Variants in FAM193A observed in about 807,000 individuals in gnomAD.
FAM193A encodes the protein family with sequence similarity 193 member A, also known as protein FAM193A.
A neutral mutation model predicts 126.5 loss-of-function variants in FAM193A; 22 were observed. The observed-to-expected ratio is 0.17, with a 90% CI of 0.12 to 0.25. The LOEUF (loss-of-function observed/expected upper bound fraction) is 0.25. Ranked by LOEUF, FAM193A falls within the 10% of genes least tolerant of loss-of-function variation. FAM193A has a pLI of 1.00. For missense variants in FAM193A, 1,675 were observed against 1,672.8 expected, an observed-to-expected ratio of 1.00 and a Z score of -0.02; for synonymous variants, 761 against 646.8, an observed-to-expected ratio of 1.18 and a Z score of -2.68.
intron 5 of FAM193A, among the ~76,000 whole-genome samples, chr4:2,639,424 T>C (rs772327275): frequency 5.3e-5 from 8 of 152,142 alleles, no homozygotes; most frequent in Admixed American, 2.0e-4. Flanking sequence ...GAGAAATGAC[T>C]CTCAAACGTG....
At chr4:2,624,161 C>G (rs115746676) in intron 2 of FAM193A, among the ~76,000 whole-genome samples, 2,503 of 151,962 alleles carry the variant, frequency 0.016, 54 homozygotes, top group African/African-American at 0.048. Flanking sequence ...ATAGGAAGGT[C>G]TTTGCCCAAT....
chr4:2,731,189 T>A (rs1474222501), intron 20 of FAM193A, among the ~76,000 whole-genome samples: 1 of 94,056 alleles, frequency 1.1e-5, no homozygotes, highest in Non-Finnish European at 1.9e-5. Flanking sequence ...AGAGCGAAAC[T>A]CCTTCTCAAA....
intron 19 of FAM193A, among the ~76,000 whole-genome samples, chr4:2,702,804 C>T (rs185794868): frequency 6.6e-6 from 1 of 152,170 alleles, no homozygotes. Context: ...GGTATTTGTT[C>T]AGTTCTTTTT....
Position 2,693,636 on chromosome 4 carries a change from G to A in FAM193A, c.2854G>A (p.Ala952Thr). Residue 952 changes from alanine to threonine, a missense_variant, in exon 16 of 21, where the codon GCC (alanine) becomes ACC (threonine). Physicochemically the swap from Ala to Thr is moderately conservative, Grantham distance 58. Around this residue, in one of 4 missense-constraint regions of FAM193A, gnomAD observed 1,186 missense variants for 1,109.2 expected, o/e 1.07. Coordinates refer to ENST00000637812, the MANE Select transcript of FAM193A (RefSeq NM_001366318.2). ...GGAGGACCACAGACACTCGGCCCCAGCCGCCCCGAGGAATAGCCCCACGGG... is the reference window on the plus strand; with the variant it reads ...GGAGGACCACAGACACTCGGCCCCAACCGCCCCGAGGAATAGCCCCACGGG... ...SKEDHRHSAPAAPRNSPTGLA... is the reference protein window; with the variant it reads ...SKEDHRHSAPTAPRNSPTGLA... 6.2e-7 allele frequency: 1 copy of A among 1,614,098 alleles called. No homozygotes were observed. The highest frequency in any genetic ancestry group is 2.2e-5 in the East Asian group (1 of 44,874).
chr4:2,712,122 T>G (rs1347036579), intron 19 of FAM193A, among the ~76,000 whole-genome samples: 2 of 152,162 alleles, frequency 1.3e-5, no homozygotes, highest in Non-Finnish European at 2.9e-5. Context: ...GTATGTCAGC[T>G]TTTGTAACTC....
At chr4:2,706,627 G>T (rs1270787487) in intron 19 of FAM193A, among the ~76,000 whole-genome samples, 1 of 151,622 alleles carries the variant, frequency 6.6e-6, no homozygotes, top group Non-Finnish European at 1.5e-5. Context: ...ATGCACTTGG[G>T]TCTGTTTCTG....
intron 1 of FAM193A, among the ~76,000 whole-genome samples, chr4:2,562,314 C>T (rs1043643326): frequency 6.6e-6 from 1 of 151,962 alleles, no homozygotes; most frequent in Admixed American, 6.6e-5. Context: ...CAGCTGGCTG[C>T]GGTGGTGCGT....
At chr4:2,709,678 C>T (rs1008295431) in intron 19 of FAM193A, among the ~76,000 whole-genome samples, 3 of 152,138 alleles carry the variant, frequency 2.0e-5, no homozygotes, top group African/African-American at 7.2e-5. Context: ...CACTGCACTC[C>T]AGCCTGGGAC....
At chr4:2,659,421 C>T in intron 8 of FAM193A, 137 bp from the exon 9 acceptor site, 2 of 658,718 alleles carry the variant, frequency 3.0e-6, no homozygotes, top group Non-Finnish European at 2.7e-6. Context: ...GTCTGCTGCC[C>T]CTGTATTCCT....
At position 2,559,583 on chromosome 4, in the gene FAM193A, A is replaced by G. The variant is rs183816966; in HGVS notation, c.255+22413A>G. On this transcript the variant is annotated intron_variant, in intron 1 of 20. Transcript: ENST00000637812. ...AGTGCTGGGATTACAGGCGTGAGCC[A>G]CTTTGCCCAGCCCTGTCCTGCTAGT... is the stretch of plus-strand genomic sequence containing the variant. 3.6e-3 allele frequency among the ~76,000 whole-genome samples: 548 copies of G among 152,302 alleles called. 3 individuals carry two copies. The highest frequency in any genetic ancestry group is 0.013 in the African/African-American group (536 of 41,578).
At chr4:2,570,512 T>C (rs1030068933) in intron 1 of FAM193A, among the ~76,000 whole-genome samples, 2 of 152,182 alleles carry the variant, frequency 1.3e-5, no homozygotes, top group African/African-American at 2.4e-5. Flanking sequence ...CAAGGTTCCA[T>C]GAACTGTTAC....
chr4:2,579,511 A>C (rs868803416), intron 1 of FAM193A, among the ~76,000 whole-genome samples: 10 of 152,096 alleles, frequency 6.6e-5, no homozygotes, highest in African/African-American at 2.4e-4. Flanking sequence ...CAACCTGGGC[A>C]ACATAACAAG....
chr4:2,712,340 G>A (rs943345891), intron 19 of FAM193A, among the ~76,000 whole-genome samples: 1 of 152,104 alleles, frequency 6.6e-6, no homozygotes, highest in Non-Finnish European at 1.5e-5. Flanking sequence ...TTATTAATAT[G>A]TTTCTGTGTT....
At chr4:2,601,478 G>T (rs1001181109) in intron 2 of FAM193A, among the ~76,000 whole-genome samples, 5 of 151,608 alleles carry the variant, frequency 3.3e-5, no homozygotes, top group African/African-American at 1.2e-4. Context: ...CAGGTGATCC[G>T]CCCACCTCGG....
rs1443421819 is a variant in FAM193A at position 2,590,480 on chromosome 4, A to C, written c.256-5604A>C. Among the ~76,000 whole-genome samples the C allele has an allele frequency of 1.8e-3, 161 of 90,312 alleles. 27 individuals carry two copies. Among genetic ancestry groups the C allele is most frequent in the African/African-American group, 0.012 (127 of 10,810 alleles). 59.2% of individuals were successfully genotyped at this position (90,312 alleles called of 152,430 possible). A position where few individuals can be genotyped will look rare whatever the true frequency, so the allele number is the denominator to read the frequency against. On this transcript the variant is annotated intron_variant, in intron 1 of 20. Transcript: ENST00000637812. ...CTCCATCTCAAAAAAAAAAAACAAA[A>C]AAAAACAAAAAAAAACAAAAAAAAA...
intron 20 of FAM193A, among the ~76,000 whole-genome samples, chr4:2,724,968 C>G (rs1037252095): frequency 6.6e-6 from 1 of 152,146 alleles, no homozygotes; most frequent in Non-Finnish European, 1.5e-5. Context: ...CCTCCGCCTT[C>G]CAGATTCAAG....
At chr4:2,568,094 C>T (rs1386995504) in intron 1 of FAM193A, among the ~76,000 whole-genome samples, 1 of 152,170 alleles carries the variant, frequency 6.6e-6, no homozygotes, top group Non-Finnish European at 1.5e-5. Flanking sequence ...TTTTCTATTC[C>T]ACTTACCTTC....
At chr4:2,541,711 T>G (rs2108802731) in intron 1 of FAM193A, among the ~76,000 whole-genome samples, 1 of 152,328 alleles carries the variant, frequency 6.6e-6, no homozygotes, top group East Asian at 1.9e-4. Context: ...CCCAAAGTGC[T>G]GGGATTACGG....
At chr4:2,603,451 ATT>A (rs71178489) in intron 2 of FAM193A, among the ~76,000 whole-genome samples, 3,000 of 99,266 alleles carry the variant, frequency 0.03, 96 homozygotes, top group African/African-American at 0.12. Context: ...CGCCCAGCTA[ATT>A]TTTTTTTTTT....
Sources: allele counts gnomAD v4.1 joint callset (sites outside exome capture counted in the v4.1 genomes callset), GRCh38; gene constraint gnomAD v4.1.1; regional missense constraint gnomAD v4.1.1; transcripts MANE v1.5; gene names NCBI Gene and HGNC (gene_info 2026-07-23, HGNC 2026-07-21).